The following SULT6B1 variants were observed in gnomAD, a reference collection of about 807,000 sequenced individuals.
SULT6B1 encodes the protein sulfotransferase family 6B member 1, also known as sulfotransferase 6B1.
A neutral mutation model predicts 37.2 loss-of-function variants in SULT6B1; 44 were observed. That is an observed-to-expected ratio of 1.18 (90% CI 0.93 to 1.52). The LOEUF is 1.52. SULT6B1 is among the 40% of genes most tolerant of loss of function. SULT6B1 has a pLI of 0.00. For synonymous variants in SULT6B1, 140 were observed against 126.0 expected (o/e 1.11, Z -0.74); for missense variants, 450 against 361.0 (o/e 1.25, Z -2.00).
intron 5 of SULT6B1, among the ~76,000 whole-genome samples, chr2:37,171,884 T>C (rs1572454996): frequency 6.6e-6 from 1 of 152,176 alleles, no homozygotes; most frequent in East Asian, 1.9e-4. Context: ...TATAATTTTA[T>C]CTAGGATGAT....
intron 2 of SULT6B1, 152 bp from the exon 3 acceptor site, chr2:37,183,666 CAG>C (rs1676605953): frequency 1.6e-6 from 1 of 615,950 alleles, no homozygotes; most frequent in Non-Finnish European, 2.8e-6. Flanking sequence ...TTTTTTGAAA[CAG>C]AGTCTCACTC....
At chr2:37,189,284 A>G (rs1676736726), upstream of SULT6B1, among the ~76,000 whole-genome samples, 1 of 152,258 alleles carries the variant, frequency 6.6e-6, no homozygotes, top group African/African-American at 2.4e-5. Context: ...GAGTTACCCC[A>G]TATGGGTCTG....
At chr2:37,185,613 G>A (rs967869480) in intron 2 of SULT6B1, among the ~76,000 whole-genome samples, 1 of 151,348 alleles carries the variant, frequency 6.6e-6, no homozygotes, top group Non-Finnish European at 1.5e-5. Context: ...AGCTACTCGA[G>A]AGGCTGAGGC....
chr2:37,175,284 C>A (rs965604789), intron 4 of SULT6B1, 58 bp from the exon 5 acceptor site: 5 of 943,874 alleles, frequency 5.3e-6, no homozygotes, highest in Non-Finnish European at 8.0e-6. Flanking sequence ...TTAAAATGAT[C>A]ATTAATTTAT....
intron 1 of SULT6B1, among the ~76,000 whole-genome samples, chr2:37,188,083 C>G (rs1337016635): frequency 6.6e-6 from 1 of 152,158 alleles, no homozygotes; most frequent in Non-Finnish European, 1.5e-5. Context: ...AGTGGCTGTG[C>G]TTTTGTCCAG....
chr2:37,194,460 C>A, intron 1 of SULT6B1: 1 of 427,592 alleles, frequency 2.3e-6, no homozygotes, highest in South Asian at 1.8e-5. Context: ...TCTTCATCCT[C>A]ATTACATCCT....
At chr2:37,191,926 G>T (rs552160731), upstream of SULT6B1, among the ~76,000 whole-genome samples, 4 of 152,308 alleles carry the variant, frequency 2.6e-5, no homozygotes, top group South Asian at 8.3e-4. Flanking sequence ...CTGTTTGGGT[G>T]TCACCATGTT....
intron 6 of SULT6B1, 134 bp from the exon 7 acceptor site, chr2:37,168,199 A>G (rs1378558184): frequency 1.2e-6 from 1 of 867,636 alleles, no homozygotes; most frequent in African/African-American, 1.8e-5. Context: ...CTCTTTATTT[A>G]GTTTTTTTCA....
intron 2 of SULT6B1, among the ~76,000 whole-genome samples, chr2:37,185,667 G>A (rs997144708): frequency 9.4e-5 from 13 of 138,548 alleles, no homozygotes; most frequent in Non-Finnish European, 1.2e-4. Context: ...GCAGTGAGCC[G>A]AGATCGCACC....
At chr2:37,181,949 G>A (rs1558449152) in intron 3 of SULT6B1, among the ~76,000 whole-genome samples, 6 of 152,164 alleles carry the variant, frequency 3.9e-5, no homozygotes, top group Admixed American at 2.0e-4. Flanking sequence ...ATCATTGGAG[G>A]TGCTGAATCA....
Position 37,172,203 on chromosome 2 carries a change from AC to A in SULT6B1, c.625-614del, listed in dbSNP as rs1195494180. ...ATAGCTGGGACAACAGGTGTGTGCC[AC>A]CACATCTGGCTAATTCTTGTATTTT... is the stretch of plus-strand genomic sequence containing the variant. On this transcript the variant is annotated intron_variant, in intron 5 of 6. Coordinates refer to ENST00000535679, the MANE Select transcript of SULT6B1 (RefSeq NM_001367551.1). Among the ~76,000 whole-genome samples, 55 of 152,230 alleles carry A rather than the reference AC, an allele frequency of 3.6e-4. 2 individuals are homozygous for A. In the East Asian group the frequency reaches 5.4e-3, roughly 15 times the overall value.
At chr2:37,189,013 C>T (rs1044656278), upstream of SULT6B1, among the ~76,000 whole-genome samples, 2 of 152,196 alleles carry the variant, frequency 1.3e-5, no homozygotes, top group Admixed American at 1.3e-4. Flanking sequence ...CCTCAGTTCT[C>T]TTCTGGGTTG....
chr2:37,169,681 G>A (rs144265430), intron 6 of SULT6B1, among the ~76,000 whole-genome samples: 2 of 152,232 alleles, frequency 1.3e-5, no homozygotes, highest in Middle Eastern at 3.4e-3. Context: ...TTTTGGTAGA[G>A]ACAGGGTTTC....
intron 3 of SULT6B1, among the ~76,000 whole-genome samples, chr2:37,180,593 C>T (rs374210955): frequency 2.6e-5 from 4 of 152,110 alleles, no homozygotes; most frequent in African/African-American, 9.7e-5. Context: ...GCATATGAAA[C>T]TGACTGGGGG....
upstream of SULT6B1, among the ~76,000 whole-genome samples, chr2:37,188,844 G>T (rs1189110684): frequency 6.6e-6 from 1 of 152,156 alleles, no homozygotes; most frequent in Non-Finnish European, 1.5e-5. Context: ...GAGGATCAGG[G>T]AATATTACCC....
intron 6 of SULT6B1, among the ~76,000 whole-genome samples, chr2:37,170,737 C>CAAAA (rs10617061): frequency 1.4e-4 from 13 of 94,020 alleles, no homozygotes; most frequent in African/African-American, 5.2e-4. Flanking sequence ...GATTCTGTCT[C>CAAAA]AAAAAAAAAA....
At chr2:37,172,255 G>T (rs908062952) in intron 5 of SULT6B1, among the ~76,000 whole-genome samples, 8 of 151,876 alleles carry the variant, frequency 5.3e-5, no homozygotes, top group African/African-American at 1.7e-4. Context: ...TCGCCATGTT[G>T]CCCAGGCTGC....
rs1676301109 is a variant in SULT6B1 at position 37,171,582 on chromosome 2, A to T, written c.633T>A (p.Ala211=). 1 of 1,609,922 alleles carries T rather than the reference A, an allele frequency of 6.2e-7. No homozygotes were observed. The change falls in exon 6 of 7, where the codon GCT becomes GCA. Residue 211 remains alanine, a synonymous_variant. Coordinates refer to ENST00000535679, the MANE Select transcript of SULT6B1 (RefSeq NM_001367551.1). ...ACTCAGCAATCTGTTTTATTCCAGC[A>T]GCCAGATTCTGTAAAAAAATTTTCT... ...ILYEDLKENL[A]AGIKQIAEFL...
intron 4 of SULT6B1, among the ~76,000 whole-genome samples, chr2:37,175,794 G>A (rs1676411744): frequency 6.6e-6 from 1 of 152,144 alleles, no homozygotes; most frequent in African/African-American, 2.4e-5. Flanking sequence ...AAGCCATGGA[G>A]TATGAGACAT....
Sources: gnomAD v4.1 joint callset for allele counts (sites outside exome capture counted in the v4.1 genomes callset) on GRCh38, gnomAD v4.1.1 for gene constraint, MANE v1.5 for transcripts, NCBI Gene and HGNC (gene_info 2026-07-23, HGNC 2026-07-21) for gene names.